Variants in ZNF385B observed in about 807,000 individuals in gnomAD.
ZNF385B encodes zinc finger protein 385B.
Under a neutral mutation model 39.2 loss-of-function variants are expected in ZNF385B, and 23 were observed. The ratio of observed to expected loss-of-function variants is 0.59; its 90% CI spans 0.42 to 0.83. ZNF385B has a LOEUF of 0.83. Among genes scored for constraint, ZNF385B ranks in the 40% least tolerant of loss-of-function variants. The probability of loss-of-function intolerance (pLI) is 0.00; values close to 1 mark genes in which losing one functional copy is unlikely to be tolerated. For synonymous variants in ZNF385B, 205 were observed against 222.6 expected (o/e 0.92, Z 0.70); for missense variants, 552 against 598.9 (o/e 0.92, Z 0.82).
At chr2:179,657,017 T>A (rs1693849317) in intron 3 of ZNF385B, among the ~76,000 whole-genome samples, 1 of 152,178 alleles carries the variant, frequency 6.6e-6, no homozygotes, top group South Asian at 2.1e-4. Flanking sequence ...ACAAGCCATT[T>A]GTATCCTGGT....
intron 1 of ZNF385B, among the ~76,000 whole-genome samples, chr2:179,807,917 AGAAAGAAAGAAAGAAG>A (rs1234591008): frequency 1.1e-3 from 161 of 151,290 alleles, no homozygotes; most frequent in African/African-American, 3.7e-3. Context: ...AAAGAAAGAA[AGAAAGAAAGAAAGAAG>A]GAAGGAAGGA....
intron 3 of ZNF385B, among the ~76,000 whole-genome samples, chr2:179,632,262 C>A (rs1691297318): frequency 6.6e-6 from 1 of 152,200 alleles, no homozygotes; most frequent in Non-Finnish European, 1.5e-5. Flanking sequence ...TTCTCAGCAC[C>A]ACATCACACT....
chr2:179,540,171 C>T (rs1178720393), intron 4 of ZNF385B, among the ~76,000 whole-genome samples: 5 of 152,066 alleles, frequency 3.3e-5, no homozygotes, highest in South Asian at 2.1e-4. Flanking sequence ...TTTGGCCAGG[C>T]GCAGTGGCTC....
At chr2:179,853,180 C>T (rs1684316869) in intron 1 of ZNF385B, among the ~76,000 whole-genome samples, 1 of 152,090 alleles carries the variant, frequency 6.6e-6, no homozygotes. Context: ...TGCCTATGAA[C>T]CCAGGAGAGG....
intron 1 of ZNF385B, among the ~76,000 whole-genome samples, chr2:179,796,661 T>C (rs2106547892): frequency 6.6e-6 from 1 of 152,324 alleles, no homozygotes; most frequent in East Asian, 1.9e-4. Context: ...GTCTCTTATT[T>C]AGCCGAAATG....
At chr2:179,628,846 G>A (rs113490994) in intron 3 of ZNF385B, among the ~76,000 whole-genome samples, 5 of 152,274 alleles carry the variant, frequency 3.3e-5, no homozygotes, top group African/African-American at 1.2e-4. Context: ...GTTTGTACAG[G>A]AACGACAGCA....
intron 5 of ZNF385B, among the ~76,000 whole-genome samples, chr2:179,502,403 C>T (rs2056847627): frequency 3.3e-5 from 5 of 152,136 alleles, no homozygotes; most frequent in Admixed American, 3.3e-4. Flanking sequence ...ATTGTAATTT[C>T]CAGTGTTGGA....
At chr2:179,722,974 C>T (rs916433865) in intron 3 of ZNF385B, among the ~76,000 whole-genome samples, 8 of 152,046 alleles carry the variant, frequency 5.3e-5, no homozygotes, top group Admixed American at 2.6e-4. Context: ...TCATTAGTTA[C>T]CAGGGATATG....
intron 3 of ZNF385B, among the ~76,000 whole-genome samples, chr2:179,565,077 T>C (rs1316686818): frequency 6.6e-6 from 1 of 152,194 alleles, no homozygotes; most frequent in African/African-American, 2.4e-5. Flanking sequence ...TTATTAGCTG[T>C]TCACAAGCAT....
rs899165235 is a variant in ZNF385B at position 179,861,312 on chromosome 2, C to G, written c.-366G>C. On this transcript the variant is annotated 5_prime_UTR_variant, in exon 1 of 10. Transcript: ENST00000410066. ...GGGCGACAGCTCGGCCCGGCGCGGC[C>G]CCTGAACTGTCCAACTCTTGCCCGC... 1 of 154,332 alleles carries G rather than the reference C, an allele frequency of 6.5e-6. No individual in the cohort carries two copies. The highest frequency in any genetic ancestry group is 2.4e-5 in the African/African-American group (1 of 41,340). The allele number at this position is 154,332 out of a possible 1,614,324, so 9.6% of individuals were successfully genotyped here. A position where few individuals can be genotyped will look rare whatever the true frequency, so the allele number is the denominator to read the frequency against.
chr2:179,829,354 C>T (rs1707847866), intron 1 of ZNF385B, among the ~76,000 whole-genome samples: 1 of 152,058 alleles, frequency 6.6e-6, no homozygotes. Flanking sequence ...ACTGTACATA[C>T]ATATAGAAAA....
At chr2:179,712,237 TC>T (rs1700052945) in intron 3 of ZNF385B, among the ~76,000 whole-genome samples, 2 of 152,172 alleles carry the variant, frequency 1.3e-5, no homozygotes, top group South Asian at 4.2e-4. Context: ...TAGTCTCCAA[TC>T]CCCAATCTTC....
intron 4 of ZNF385B, among the ~76,000 whole-genome samples, chr2:179,541,875 A>G (rs2059938893): frequency 6.6e-6 from 1 of 152,144 alleles, no homozygotes; most frequent in African/African-American, 2.4e-5. Flanking sequence ...TATGGGCCAA[A>G]AGACTCAAGG....
At chr2:179,468,137 A>G (rs1201771343) in intron 6 of ZNF385B, among the ~76,000 whole-genome samples, 7 of 152,204 alleles carry the variant, frequency 4.6e-5, no homozygotes, top group African/African-American at 1.7e-4. Flanking sequence ...TGCCAGCCTC[A>G]CACTCAGATA....
rs1226035415 is a variant in ZNF385B at position 179,518,515 on chromosome 2, A to T, written c.552+13T>A. On this transcript the variant is annotated intron_variant, in intron 5 of 9. Transcript: ENST00000410066. ...TGACAAACTACAGAGAATAATGAAA[A>T]GGTGATACTCACATCTGAGTTAAAG... 1 of 1,539,660 alleles carries T rather than the reference A, an allele frequency of 6.5e-7. No homozygotes were observed. The highest frequency in any genetic ancestry group is 1.9e-5 in the Admixed American group (1 of 52,596).
intron 4 of ZNF385B, among the ~76,000 whole-genome samples, chr2:179,538,382 G>T (rs1180562230): frequency 1.3e-5 from 2 of 152,056 alleles, no homozygotes; most frequent in African/African-American, 4.8e-5. Flanking sequence ...CCTAGCTTTA[G>T]GTTTCCTTAC....
intron 1 of ZNF385B, among the ~76,000 whole-genome samples, chr2:179,789,043 C>T (rs1312809134): frequency 6.6e-6 from 1 of 152,048 alleles, no homozygotes; most frequent in Non-Finnish European, 1.5e-5. Flanking sequence ...TTAAAAGTTT[C>T]CTTGTCAAAT....
intron 3 of ZNF385B, among the ~76,000 whole-genome samples, chr2:179,707,642 G>A (rs535929044): frequency 8.4e-4 from 128 of 152,310 alleles, no homozygotes; most frequent in African/African-American, 1.6e-3. Context: ...GCCCTGGTAG[G>A]ACAGCCAGTG....
At chr2:179,600,791 C>T (rs376056525) in intron 3 of ZNF385B, among the ~76,000 whole-genome samples, 3 of 152,112 alleles carry the variant, frequency 2.0e-5, no homozygotes, top group Non-Finnish European at 1.5e-5. Flanking sequence ...GAACCAACCC[C>T]GTGTTATTTA....
Sources: gnomAD v4.1 joint callset for allele counts (sites outside exome capture counted in the v4.1 genomes callset) on GRCh38, gnomAD v4.1.1 for gene constraint, MANE v1.5 for transcripts, NCBI Gene and HGNC (gene_info 2026-07-23, HGNC 2026-07-21) for gene names.